Variants in COL16A1 observed in about 807,000 individuals in gnomAD.
The protein encoded by COL16A1 is collagen alpha-1(XVI) chain.
In COL16A1, 189 loss-of-function variants were observed where a neutral mutation model predicts 266.3. The observed-to-expected ratio is 0.71, with a 90% CI of 0.63 to 0.80. The LOEUF (loss-of-function observed/expected upper bound fraction) is 0.80. Among genes scored for constraint, COL16A1 ranks in the 30% least tolerant of loss-of-function variants. The pLI, the probability that COL16A1 is intolerant of heterozygous loss-of-function variation, is 0.00. For missense variants in COL16A1, 1,928 were observed against 2,122.4 expected (o/e 0.91, Z 1.80); for synonymous variants, 740 against 782.3 (o/e 0.95, Z 0.90).
In COL16A1 at chr1:31,686,268, C is replaced by T. The variant is rs749284508; in HGVS notation, c.1815G>A (p.Gly605=). The change falls in exon 27 of 71, where the codon GGG becomes GGA. Residue 605 remains glycine, a synonymous_variant. Coordinates refer to ENST00000373672, the MANE Select transcript of COL16A1 (RefSeq NM_001856.4). ...PGLKGEKGNF[G]EAGPAGSPGP... Reference sequence around the variant, plus strand: ...CTGGACTGCCAGCTGGCCCTGCCTCCCCGAAGTTACCCTGAGAGAAAGCAC... The same window carrying T: ...CTGGACTGCCAGCTGGCCCTGCCTCTCCGAAGTTACCCTGAGAGAAAGCAC... The T allele has an allele frequency of 9.9e-6, 16 of 1,614,076 alleles. No individual in the cohort carries two copies. The highest frequency in any genetic ancestry group is 1.3e-5 in the Non-Finnish European group (15 of 1,180,040).
In COL16A1 at chr1:31,671,549, T is replaced by C. The variant is rs141204734; in HGVS notation, c.3150+66A>G. The C allele has an allele frequency of 2.3e-5, 37 of 1,601,992 alleles. No homozygotes were observed. The African/African-American group carries it at 4.3e-4, about 19-fold the overall frequency. ...GCCTTTTGGGGACAAGGCCGCGGGA[T>C]GGTGTCTGAGTGTAATGACCCCTTT... On this transcript the variant is annotated intron_variant, in intron 48 of 70. Coordinates refer to ENST00000373672, the MANE Select transcript of COL16A1 (RefSeq NM_001856.4).
chr1:31,671,859 A>T (rs569441832), intron 47 of COL16A1, among the ~76,000 whole-genome samples, 200 bp from the exon 48 acceptor site: 1 of 152,338 alleles, frequency 6.6e-6, no homozygotes, highest in Admixed American at 6.5e-5. Context: ...ACAAGCAACT[A>T]TTACGTACCA....
At chr1:31,659,704 G>A (rs950822125) in intron 62 of COL16A1, 1 of 152,298 alleles carries the variant, frequency 6.6e-6, no homozygotes, top group African/African-American at 2.4e-5. Flanking sequence ...CCAGTCTCCT[G>A]GGGTGGAAGT....
In COL16A1 at chr1:31,658,479, G is replaced by A; in HGVS notation, c.4020+9C>T. On this transcript the variant is annotated intron_variant, in intron 64 of 70. Transcript: ENST00000373672. ...CCCCTGGGCTATGCTGTAGAATGTG[G>A]GATCTTACTGGGGGGCCAGGGTGTC... The A allele has an allele frequency of 6.3e-7, 1 of 1,594,916 alleles. No homozygotes were observed. Among genetic ancestry groups the A allele is most frequent in the Non-Finnish European group, 8.5e-7 (1 of 1,170,396 alleles).
rs762669358 is a variant in COL16A1, at chr1:31,684,106, C to CAAG, written c.2283+2_2283+3insCTT. Reference sequence around the variant, plus strand: ...GGGAAGGGCCGGAGGGCAGGCAACTCACGGGTTTACCAGGTCGGCCCACGC... The same window carrying CAAG: ...GGGAAGGGCCGGAGGGCAGGCAACTCAAGACGGGTTTACCAGGTCGGCCCACGC... On this transcript the variant is annotated splice_region_variant and intron_variant, in intron 32 of 70. Transcript: ENST00000373672. 6.3e-7 allele frequency: 1 copy of CAAG among 1,595,924 alleles called. No individual in the cohort carries two copies. The highest frequency in any genetic ancestry group is 1.1e-5 in the South Asian group (1 of 88,494).
chr1:31,693,125 A>C lies in COL16A1; in HGVS notation c.1038T>G (p.Gly346=), dbSNP rs769594346. 1 of 1,612,338 alleles carries C rather than the reference A, an allele frequency of 6.2e-7. No individual in the cohort carries two copies. The highest frequency in any genetic ancestry group is 8.5e-7 in the Non-Finnish European group (1 of 1,178,564). The change falls in exon 13 of 71, where the codon GGT becomes GGG. Residue 346 remains glycine (G), a synonymous_variant. Coordinates refer to ENST00000373672, the MANE Select transcript of COL16A1 (RefSeq NM_001856.4). The part of the protein sequence containing the change: ...KGGKGERGLP[G]PPGSKGEKGA... ...CCTTCTCTCCCTTGGAGCCTGGTGG[A>C]CCAGGCAGGCCCCGCTCACCTTTCC...
rs2148825594 is a variant in COL16A1 at position 31,697,177 on chromosome 1, A to C, written c.738+43T>G. 1 of 1,613,102 alleles carries C rather than the reference A, an allele frequency of 6.2e-7. No homozygotes were observed. Among genetic ancestry groups the C allele is most frequent in the Non-Finnish European group, 8.5e-7 (1 of 1,179,464 alleles). On this transcript the variant is annotated intron_variant, in intron 7 of 70. Coordinates refer to ENST00000373672, the MANE Select transcript of COL16A1 (RefSeq NM_001856.4). This position sits in a 1 kb window ranked among gnomAD's most constrained non-coding sequence, Gnocchi z 4.2. ...CATCACCTTCCAGACCCTCATCTCC[A>C]GCACAGTGTGTCCCTGGGCAGCCCA...
At chr1:31,689,397 G>A (rs943580098) in intron 23 of COL16A1, 1 of 573,562 alleles carries the variant, frequency 1.7e-6, no homozygotes, top group African/African-American at 1.9e-5. Context: ...GGCTAACCCA[G>A]TCCTGCTCAC....
At chr1:31,676,072 C>T (rs187399256) in intron 42 of COL16A1, among the ~76,000 whole-genome samples, 2 of 151,908 alleles carry the variant, frequency 1.3e-5, no homozygotes, top group African/African-American at 4.8e-5. Flanking sequence ...CACCTGCAAT[C>T]GTAGCACTTT....
At chr1:31,693,457 C>T (rs991012771) in intron 12 of COL16A1, among the ~76,000 whole-genome samples, 4 of 152,214 alleles carry the variant, frequency 2.6e-5, no homozygotes, top group African/African-American at 9.7e-5. Context: ...ACACACAGCA[C>T]AGCCGGAGGC....
rs1246713237 is a variant in COL16A1, at chr1:31,679,658, C to G, written c.2746G>C (p.Gly916Arg). Residue 916 changes from glycine (G) to arginine (R), a missense_variant, in exon 42 of 71, where the codon GGC (glycine) becomes CGC (arginine). Gly to Arg is a moderately radical substitution (Grantham distance 125, BLOSUM62 -2). Around this residue, in one of 2 missense-constraint regions of COL16A1, gnomAD observed 1,552 missense variants for 1,637.2 expected, o/e 0.95. Coordinates refer to ENST00000373672, the MANE Select transcript of COL16A1 (RefSeq NM_001856.4). Reference sequence around the variant, plus strand: ...TGCAGCCCAGGTACTCCAGGGGGGCCTGGTGGTCCGGGAATACCTGGTGGA... The same window carrying G: ...TGCAGCCCAGGTACTCCAGGGGGGCGTGGTGGTCCGGGAATACCTGGTGGA... Reference protein sequence around the residue: ...QGPPGIPGPPGPPGVPGLQGV... With the variant: ...QGPPGIPGPPRPPGVPGLQGV... 2 of 1,614,038 alleles carry G rather than the reference C, an allele frequency of 1.2e-6. No homozygotes were observed. The highest frequency in any genetic ancestry group is 1.3e-5 in the African/African-American group (1 of 74,912).
rs553740074 is a variant in COL16A1 at position 31,670,549 on chromosome 1, C to A, written c.3195+53G>T. The A allele has an allele frequency of 8.9e-6, 12 of 1,346,580 alleles. No individual in the cohort carries two copies. Among genetic ancestry groups the A allele is most frequent in the Non-Finnish European group, 1.2e-5 (12 of 1,043,440 alleles). 83.4% of individuals were successfully genotyped at this position (1,346,580 alleles called of 1,614,324 possible). A position where few individuals can be genotyped will look rare whatever the true frequency, so the allele number is the denominator to read the frequency against. The stretch of plus-strand genomic sequence containing the variant: ...ACAGGAGGGAGACAAGCAAAAGCCA[C>A]AGAGACCTGGCTGACGGGGGGGAGG... On this transcript the variant is annotated intron_variant, in intron 49 of 70. Coordinates refer to ENST00000373672, the MANE Select transcript of COL16A1 (RefSeq NM_001856.4). The surrounding 1 kb of genome is among the most constrained non-coding windows in gnomAD (Gnocchi z 4.5).
intron 4 of COL16A1, among the ~76,000 whole-genome samples, chr1:31,699,484 G>A (rs184724797): frequency 4.6e-5 from 7 of 152,096 alleles, no homozygotes; most frequent in East Asian, 3.9e-4. Flanking sequence ...GCACACACAC[G>A]CATGTGCGCA....
chr1:31,697,985 G>A lies in COL16A1; in HGVS notation c.578C>T (p.Pro193Leu). ...CCTCATGGGTCGTCGGGGCCCCAGAGGCTGGGAGGAGGCTGAGCTGCAGTC... is the reference window on the plus strand; with the variant it reads ...CCTCATGGGTCGTCGGGGCCCCAGAAGCTGGGAGGAGGCTGAGCTGCAGTC... ...HVDCSSASSQ[P>L]LGPRRPMRPV... Residue 193 changes from proline to leucine, a missense_variant, in exon 6 of 71, where the codon CCT (proline) becomes CTT (leucine). By Grantham distance (98) the Pro-to-Leu change is moderately conservative. Around this residue, in one of 2 missense-constraint regions of COL16A1, gnomAD observed 1,552 missense variants for 1,637.2 expected, o/e 0.95. Transcript: ENST00000373672. The surrounding 1 kb of genome is among the most constrained non-coding windows in gnomAD (Gnocchi z 4.2). The A allele has an allele frequency of 2.5e-6, 4 of 1,613,454 alleles. No homozygotes were observed. The highest frequency in any genetic ancestry group is 2.2e-5 in the East Asian group (1 of 44,850).
At chr1:31,680,997 C>T (rs1486044386) in intron 38 of COL16A1, 26 bp downstream of exon 38, 2 of 1,613,864 alleles carry the variant, frequency 1.2e-6, no homozygotes, top group East Asian at 2.2e-5. Flanking sequence ...CCATGGCTTC[C>T]TGCTGCCCCA....
chr1:31,697,861 TC>T lies in COL16A1; in HGVS notation c.657+44del, dbSNP rs755523915. ...CGGATTCCAGGAAGCCCACTCAGGT[TC>T]CCAGAAGGCAGGAACAGAGGTCAGG... is the stretch of plus-strand genomic sequence containing the variant. On this transcript the variant is annotated intron_variant, in intron 6 of 70. Coordinates refer to ENST00000373672, the MANE Select transcript of COL16A1 (RefSeq NM_001856.4). This position sits in a 1 kb window ranked among gnomAD's most constrained non-coding sequence, Gnocchi z 4.2. 1.3e-6 allele frequency: 2 copies of T among 1,551,588 alleles called. No homozygotes were observed. The highest frequency in any genetic ancestry group is 1.2e-5 in the South Asian group (1 of 83,478).
chr1:31,659,071 T>A, intron 62 of COL16A1, 107 bp from the exon 63 acceptor site: 1 of 1,044,318 alleles, frequency 9.6e-7, no homozygotes, highest in East Asian at 2.6e-5. Flanking sequence ...GCAGCTCCAT[T>A]TCCTCTGGAA....
At chr1:31,702,343 G>T in intron 1 of COL16A1, 116 bp from the exon 2 acceptor site, 1 of 1,010,464 alleles carries the variant, frequency 9.9e-7, no homozygotes, top group Non-Finnish European at 1.5e-6. Context: ...GGTGGCAGGA[G>T]GTCTGGCCAG....
Position 31,683,778 on chromosome 1 carries a change from C to G in COL16A1, c.2338-30G>C, listed in dbSNP as rs370937107. On this transcript the variant is annotated intron_variant, in intron 33 of 70. Coordinates refer to ENST00000373672, the MANE Select transcript of COL16A1 (RefSeq NM_001856.4). Reference sequence around the variant, plus strand: ...AGAGGCAGAAGGACAGTCCCTGGCTCGAGGTTCCCCAGTCACCCTTTCCCC... The same window carrying G: ...AGAGGCAGAAGGACAGTCCCTGGCTGGAGGTTCCCCAGTCACCCTTTCCCC... The G allele has an allele frequency of 2.4e-5, 39 of 1,613,822 alleles. No homozygotes were observed. The East Asian group carries it at 7.6e-4, about 31-fold the overall frequency.
Sources: allele counts gnomAD v4.1 joint callset (sites outside exome capture counted in the v4.1 genomes callset), GRCh38; gene constraint gnomAD v4.1.1; regional missense constraint gnomAD v4.1.1; non-coding constraint Gnocchi (gnomAD v3.1); transcripts MANE v1.5; gene names NCBI Gene and HGNC (gene_info 2026-07-23, HGNC 2026-07-21).